The following ME3 variants were observed in gnomAD, a reference collection of about 807,000 sequenced individuals.
ME3 encodes the protein NADP-dependent malic enzyme, mitochondrial.
In ME3, 48 loss-of-function variants were observed where a neutral mutation model predicts 68.9. That is an observed-to-expected ratio of 0.70 (90% CI 0.55 to 0.89). The LOEUF (loss-of-function observed/expected upper bound fraction) is 0.89. Among genes scored for constraint, ME3 ranks in the 40% least tolerant of loss-of-function variants. The probability of loss-of-function intolerance (pLI) is 0.00; values close to 1 mark genes in which losing one functional copy is unlikely to be tolerated. For synonymous variants in ME3, 320 were observed against 318.8 expected (o/e 1.00, Z -0.04); for missense variants, 675 against 797.4 (o/e 0.85, Z 1.85).
chr11:86,667,762 A>G lies in ME3; in HGVS notation c.183+4000T>C, dbSNP rs905202904. Reference sequence around the variant, plus strand: ...GCTCTTCCTAAAAGACACTATAGGTAAATGGAGGTCAGAAATATGTTGATG... The same window carrying G: ...GCTCTTCCTAAAAGACACTATAGGTGAATGGAGGTCAGAAATATGTTGATG... On this transcript the variant is annotated intron_variant, in intron 2 of 14. Transcript: ENST00000543262. 8 of 152,308 alleles carry G rather than the reference A, an allele frequency of 5.3e-5. 1 individual carries two copies. Among genetic ancestry groups the G allele is most frequent in the Admixed American group, 2.6e-4 (4 of 15,298 alleles). The allele number at this position is 152,308 out of a possible 1,614,324, so 9.4% of individuals were successfully genotyped here.
the ME3 span, chr11:86,435,763 A>G: frequency 6.6e-6 from 1 of 152,294 alleles, no homozygotes; most frequent in Non-Finnish European, 1.5e-5. Context: ...TAGCAGTTGC[A>G]ACAGTAGCCT....
intron 2 of ME3, among the ~76,000 whole-genome samples, chr11:86,644,896 G>A (rs992236309): frequency 7.2e-5 from 11 of 152,196 alleles, no homozygotes; most frequent in African/African-American, 2.7e-4. Context: ...GACAGTGGGT[G>A]CAGCCCATAG....
chr11:86,461,086 G>C (rs549696211), intron 8 of ME3, among the ~76,000 whole-genome samples: 1 of 152,260 alleles, frequency 6.6e-6, no homozygotes, highest in South Asian at 2.1e-4. Context: ...GTTTCAGCAG[G>C]GTCTGGAATT....
intron 6 of ME3, among the ~76,000 whole-genome samples, chr11:86,497,602 C>T (rs610790): frequency 0.34 from 51,018 of 151,974 alleles, 8,775 homozygotes; most frequent in African/African-American, 0.38. Flanking sequence ...CTTGAGAATG[C>T]TAAAAAACAC....
At chr11:86,636,356 C>T (rs547206522) in intron 2 of ME3, among the ~76,000 whole-genome samples, 76 of 151,800 alleles carry the variant, frequency 5.0e-4, no homozygotes, top group Admixed American at 8.5e-4. Flanking sequence ...GAGATAATGT[C>T]TGTGAAATGC....
At chr11:86,617,303 T>C (rs1943044494) in intron 2 of ME3, among the ~76,000 whole-genome samples, 1 of 151,966 alleles carries the variant, frequency 6.6e-6, no homozygotes, top group Non-Finnish European at 1.5e-5. Context: ...ACTCAACAAA[T>C]GTAAGCCATA....
At chr11:86,608,770 A>G (rs1460174653) in intron 2 of ME3, among the ~76,000 whole-genome samples, 1 of 152,242 alleles carries the variant, frequency 6.6e-6, no homozygotes, top group African/African-American at 2.4e-5. Context: ...GTGAATATGC[A>G]TTCATATAGA....
intron 4 of ME3, among the ~76,000 whole-genome samples, chr11:86,552,002 C>T (rs1488313860): frequency 3.9e-5 from 6 of 152,142 alleles, no homozygotes; most frequent in East Asian, 3.9e-4. Context: ...CAGAGTGTGG[C>T]GGTACTTCAG....
chr11:86,571,906 T>G (rs1957819709), intron 2 of ME3, among the ~76,000 whole-genome samples: 1 of 152,180 alleles, frequency 6.6e-6, no homozygotes, highest in Non-Finnish European at 1.5e-5. Flanking sequence ...GGGATCCTCT[T>G]TCTGGCCAGC....
intron 2 of ME3, among the ~76,000 whole-genome samples, chr11:86,666,889 C>T (rs966473578): frequency 3.3e-5 from 5 of 152,148 alleles, no homozygotes; most frequent in African/African-American, 7.2e-5. Flanking sequence ...TAGTAACAAC[C>T]TCCCCTCATC....
intron 4 of ME3, among the ~76,000 whole-genome samples, chr11:86,546,613 G>A (rs1459375832): frequency 6.6e-6 from 1 of 152,152 alleles, no homozygotes; most frequent in Admixed American, 6.5e-5. Context: ...AAAGCACAAT[G>A]AGATACCATC....
At chr11:86,661,503 C>G (rs1441309701) in intron 2 of ME3, among the ~76,000 whole-genome samples, 1 of 152,218 alleles carries the variant, frequency 6.6e-6, no homozygotes. Context: ...AAGATGAGGT[C>G]TCTTACAGGG....
chr11:86,629,140 A>G (rs964702033), intron 2 of ME3, among the ~76,000 whole-genome samples: 8 of 152,174 alleles, frequency 5.3e-5, no homozygotes, highest in Admixed American at 5.2e-4. Flanking sequence ...TTTTGGGGAA[A>G]GAAAACCCAG....
At chr11:86,516,919 C>A (rs934281001) in intron 4 of ME3, among the ~76,000 whole-genome samples, 4 of 152,164 alleles carry the variant, frequency 2.6e-5, no homozygotes, top group East Asian at 1.9e-4. Flanking sequence ...GGCATGGCTT[C>A]TGCTGCATGG....
chr11:86,492,421 C>T (rs1952061306), intron 6 of ME3, among the ~76,000 whole-genome samples: 1 of 152,218 alleles, frequency 6.6e-6, no homozygotes, highest in South Asian at 2.1e-4. Context: ...ATGAGCTGCC[C>T]AAAGTCACAA....
At chr11:86,556,688 A>G (rs780715445) in exon 4 of ME3, 5 of 1,613,962 alleles carry the variant, frequency 3.1e-6, no homozygotes, top group Non-Finnish European at 4.2e-6. Flanking sequence ...TTGGAGTGTC[A>G]TGAGAATGAT....
chr11:86,600,770 A>G (rs1960499115), intron 2 of ME3, among the ~76,000 whole-genome samples: 2 of 151,978 alleles, frequency 1.3e-5, no homozygotes, highest in South Asian at 4.2e-4. Flanking sequence ...CCACAGTGCA[A>G]TCAAACTAGA....
At chr11:86,466,255 T>C (rs917862359) in intron 7 of ME3, among the ~76,000 whole-genome samples, 2 of 152,246 alleles carry the variant, frequency 1.3e-5, no homozygotes, top group Non-Finnish European at 2.9e-5. Flanking sequence ...GTTTTGTTTG[T>C]GTCTTTAGCC....
intron 2 of ME3, among the ~76,000 whole-genome samples, chr11:86,646,930 GA>G (rs751292543): frequency 9.2e-5 from 14 of 152,168 alleles, no homozygotes; most frequent in Non-Finnish European, 1.9e-4. Context: ...TTTCAAGCCA[GA>G]ATTTCATATC....
Sources: allele counts gnomAD v4.1 joint callset (sites outside exome capture counted in the v4.1 genomes callset), GRCh38; gene constraint gnomAD v4.1.1; transcripts MANE v1.5; gene names NCBI Gene and HGNC (gene_info 2026-07-23, HGNC 2026-07-21).